The following FGF14 variants were observed in gnomAD, a reference collection of about 807,000 sequenced individuals.
FGF14 encodes the protein fibroblast growth factor 14, also known as fibroblast growth factor homologous factor 4.
Under a neutral mutation model 25.5 loss-of-function variants are expected in FGF14, and 5 were observed. The ratio of observed to expected loss-of-function variants is 0.20; its 90% CI spans 0.10 to 0.41. The LOEUF is 0.41. Ranked by LOEUF, FGF14 falls within the 10% of genes least tolerant of loss-of-function variation. The probability of loss-of-function intolerance (pLI) is 1.00; values close to 1 mark genes in which losing one functional copy is unlikely to be tolerated. For synonymous variants in FGF14, 138 were observed against 118.3 expected, an observed-to-expected ratio of 1.17 and a Z score of -1.08; for missense variants, 222 against 320.1, an observed-to-expected ratio of 0.69 and a Z score of 2.34.
intron 2 of FGF14, among the ~76,000 whole-genome samples, chr13:101,870,986 A>G (rs1041741598): frequency 1.3e-5 from 2 of 151,984 alleles, no homozygotes; most frequent in Admixed American, 6.6e-5. Flanking sequence ...ATACATACAT[A>G]CATACATACA....
At chr13:102,031,582 A>G (rs2139937231) in intron 1 of FGF14, among the ~76,000 whole-genome samples, 1 of 152,176 alleles carries the variant, frequency 6.6e-6, no homozygotes, top group South Asian at 2.1e-4. Flanking sequence ...TTCCTCCAGA[A>G]CTAAAAGACC....
chr13:102,248,007 C>A (rs1006872358), intron 1 of FGF14, among the ~76,000 whole-genome samples: 1 of 152,126 alleles, frequency 6.6e-6, no homozygotes, highest in Non-Finnish European at 1.5e-5. Context: ...CCAAATAGTG[C>A]ATGTTCTCAC....
intron 1 of FGF14, among the ~76,000 whole-genome samples, chr13:102,068,991 C>A (rs2140140851): frequency 6.6e-6 from 1 of 152,312 alleles, no homozygotes; most frequent in East Asian, 1.9e-4. Context: ...TGTAAACACA[C>A]CAATCAGCAC....
At chr13:102,177,174 AG>A (rs2048484287) in intron 1 of FGF14, among the ~76,000 whole-genome samples, 1 of 152,188 alleles carries the variant, frequency 6.6e-6, no homozygotes, top group African/African-American at 2.4e-5. Flanking sequence ...GTCTTCATAG[AG>A]CTTAGCATTC....
At chr13:101,922,021 T>A (rs1303579250) in intron 1 of FGF14, among the ~76,000 whole-genome samples, 1 of 152,186 alleles carries the variant, frequency 6.6e-6, no homozygotes, top group African/African-American at 2.4e-5. Context: ...CCTATAAAGG[T>A]ACAGACTTTG....
intron 3 of FGF14, 136 bp from the exon 4 acceptor site, chr13:101,726,946 G>A (rs763494584): frequency 2.3e-4 from 147 of 638,172 alleles, no homozygotes; most frequent in East Asian, 3.8e-4. Context: ...CCCTTCCTGC[G>A]CACAGTAATT....
intron 1 of FGF14, among the ~76,000 whole-genome samples, chr13:101,934,255 C>T (rs1306646102): frequency 1.3e-5 from 2 of 152,134 alleles, no homozygotes; most frequent in African/African-American, 2.4e-5. Context: ...GTGGTATATT[C>T]GTACATTTTA....
chr13:101,967,566 A>T (rs1434431485), intron 1 of FGF14: 1 of 152,450 alleles, frequency 6.6e-6, no homozygotes, highest in Admixed American at 6.5e-5. Context: ...ACTGGAAGGC[A>T]TAAGTAAGCA....
intron 1 of FGF14, among the ~76,000 whole-genome samples, chr13:101,993,931 TAAAAA>T (rs916505284): frequency 6.6e-6 from 1 of 150,988 alleles, no homozygotes; most frequent in South Asian, 2.1e-4. Context: ...AATAATAAAA[TAAAAA>T]AAAGAAAGAT....
intron 3 of FGF14, among the ~76,000 whole-genome samples, chr13:101,828,039 T>C (rs1190604071): frequency 6.6e-6 from 1 of 151,846 alleles, no homozygotes; most frequent in East Asian, 1.9e-4. Context: ...ACTACTTTAA[T>C]CTCCCAAGTC....
At chr13:102,219,274 C>T (rs1174440176) in intron 1 of FGF14, among the ~76,000 whole-genome samples, 2 of 152,184 alleles carry the variant, frequency 1.3e-5, no homozygotes, top group Non-Finnish European at 2.9e-5. Flanking sequence ...CGTCCACTCC[C>T]AGCATCTCTG....
At chr13:101,966,408 A>C (rs753488659) in intron 1 of FGF14, among the ~76,000 whole-genome samples, 1 of 152,210 alleles carries the variant, frequency 6.6e-6, no homozygotes, top group Non-Finnish European at 1.5e-5. Context: ...TGGAGGGAGC[A>C]TGGTTCTGCA....
At chr13:101,823,824 T>TTA (rs2042275994) in intron 3 of FGF14, among the ~76,000 whole-genome samples, 1 of 149,546 alleles carries the variant, frequency 6.7e-6, no homozygotes, top group African/African-American at 2.4e-5. Context: ...CATATATCTT[T>TTA]TATATATATA....
intron 1 of FGF14, among the ~76,000 whole-genome samples, chr13:102,166,299 C>T (rs556088444): frequency 5.9e-5 from 9 of 151,636 alleles, no homozygotes; most frequent in South Asian, 2.1e-4. Flanking sequence ...TATTACTTTA[C>T]GAAATTTATA....
intron 1 of FGF14, among the ~76,000 whole-genome samples, chr13:102,059,836 G>T (rs192378177): frequency 6.6e-6 from 1 of 151,030 alleles, no homozygotes; most frequent in Non-Finnish European, 1.5e-5. Flanking sequence ...GGGTGACAGA[G>T]CGAGACTCCA....
At chr13:101,940,145 T>C (rs766731741) in intron 1 of FGF14, among the ~76,000 whole-genome samples, 1 of 152,236 alleles carries the variant, frequency 6.6e-6, no homozygotes, top group Non-Finnish European at 1.5e-5. Flanking sequence ...AAATCCCTAG[T>C]TGTATCCATG....
At chr13:102,310,914 C>G (rs2138678292) in intron 1 of FGF14, among the ~76,000 whole-genome samples, 1 of 152,070 alleles carries the variant, frequency 6.6e-6, no homozygotes, top group Non-Finnish European at 1.5e-5. Flanking sequence ...TTTTCAGGAG[C>G]TAAGAACTGC....
At chr13:101,924,349 T>C (rs1382367079) in intron 1 of FGF14, among the ~76,000 whole-genome samples, 2 of 152,126 alleles carry the variant, frequency 1.3e-5, no homozygotes, top group Admixed American at 6.5e-5. Flanking sequence ...TAAACATATA[T>C]GTAAACTTGT....
At chr13:101,904,058 A>ACT (rs2031918366) in intron 1 of FGF14, among the ~76,000 whole-genome samples, 1 of 152,072 alleles carries the variant, frequency 6.6e-6, no homozygotes, top group Non-Finnish European at 1.5e-5. Flanking sequence ...TTCATGAGGG[A>ACT]CTCTACACAG....
Sources: allele counts gnomAD v4.1 joint callset (sites outside exome capture counted in the v4.1 genomes callset), GRCh38; gene constraint gnomAD v4.1.1; transcripts MANE v1.5; gene names NCBI Gene and HGNC (gene_info 2026-07-23, HGNC 2026-07-21).